SLC44A5: variants seen among roughly 807,000 people sequenced by gnomAD.
SLC44A5 encodes choline transporter-like protein 5.
SLC44A5 carries 57 observed loss-of-function variants against 101.8 expected under a neutral mutation model. The ratio of observed to expected loss-of-function variants is 0.56; its 90% CI spans 0.45 to 0.70. The LOEUF is 0.70. SLC44A5 is among the 30% of genes least tolerant of loss of function. The probability of loss-of-function intolerance (pLI) is 0.00; values close to 1 mark genes in which losing one functional copy is unlikely to be tolerated. For missense variants in SLC44A5, 737 were observed against 853.1 expected (o/e 0.86, Z 1.70); for synonymous variants, 281 against 290.9 (o/e 0.97, Z 0.35).
the SLC44A5 span, among the ~76,000 whole-genome samples, chr1:75,681,517 T>A: frequency 3.3e-5 from 5 of 151,594 alleles, no homozygotes; most frequent in Non-Finnish European, 7.4e-5. Context: ...CACATGATTA[T>A]CTCAATAGAT....
chr1:75,674,600 G>A, the SLC44A5 span, among the ~76,000 whole-genome samples: 3 of 108,276 alleles, frequency 2.8e-5, no homozygotes, highest in Non-Finnish European at 5.6e-5. Context: ...GACTGGTTTC[G>A]AACTCCTGAG....
chr1:75,419,602 T>A (rs1025325488), intron 2 of SLC44A5, among the ~76,000 whole-genome samples: 1 of 152,060 alleles, frequency 6.6e-6, no homozygotes, highest in South Asian at 2.1e-4. Context: ...TATATGGTAA[T>A]GTTAAAATAA....
At chr1:75,236,680 A>G (rs988790965) in intron 11 of SLC44A5, among the ~76,000 whole-genome samples, 9 of 152,194 alleles carry the variant, frequency 5.9e-5, no homozygotes, top group African/African-American at 1.9e-4. Context: ...TATTACAGAT[A>G]CAGAAGTCCT....
At position 75,540,610 on chromosome 1, in the gene SLC44A5, CT is replaced by C. The variant is rs549166269; in HGVS notation, c.13+824del. ...GATCTTATTTTTAATAACTCTTAAT[CT>C]TTTTTATATACTCAGCCAAAGATCA... On this transcript the variant is annotated intron_variant, in intron 2 of 23. Transcript: ENST00000370859. 2.0e-5 allele frequency among the ~76,000 whole-genome samples: 3 copies of C among 152,218 alleles called. No homozygotes were observed. In the South Asian group the frequency reaches 6.2e-4, roughly 32 times the overall value.
intron 2 of SLC44A5, among the ~76,000 whole-genome samples, chr1:75,540,579 C>A (rs959084971): frequency 2.0e-5 from 3 of 152,134 alleles, no homozygotes; most frequent in Non-Finnish European, 4.4e-5. Context: ...GTTAGACAGA[C>A]CTTTAGATCT....
At chr1:75,303,895 G>C (rs1654701509) in intron 4 of SLC44A5, among the ~76,000 whole-genome samples, 1 of 152,122 alleles carries the variant, frequency 6.6e-6, no homozygotes, top group Admixed American at 6.5e-5. Context: ...CATGGCGCAT[G>C]TATACATATG....
intron 22 of SLC44A5, 59 bp from the exon 23 acceptor site, chr1:75,211,611 A>C: frequency 8.1e-7 from 1 of 1,237,840 alleles, no homozygotes; most frequent in Non-Finnish European, 1.2e-6. Flanking sequence ...AAGAAGAATA[A>C]TGCAGCTATA....
chr1:75,241,725 C>T (rs7555803), intron 9 of SLC44A5, among the ~76,000 whole-genome samples: 25,634 of 151,946 alleles, frequency 0.17, 2,422 homozygotes, highest in Non-Finnish European at 0.22. Flanking sequence ...GCTTCCAAAG[C>T]ACCAAATGAT....
the SLC44A5 span, among the ~76,000 whole-genome samples, chr1:75,671,434 G>C: frequency 7.2e-6 from 1 of 139,764 alleles, no homozygotes; most frequent in Admixed American, 7.1e-5. Context: ...CCAGGAGTTA[G>C]AGAAGCAGAG....
rs146993346 is a variant in SLC44A5 at position 75,296,830 on chromosome 1, C to A, written c.175+3782G>T. 7.5e-3 allele frequency among the ~76,000 whole-genome samples: 1,144 copies of A among 152,276 alleles called. 17 individuals are homozygous for A. The highest frequency in any genetic ancestry group is 0.047 in the South Asian group (227 of 4,830). ...TTTGTTCTGCTTATCTATTGTTGCA[C>A]TCCCAAACTCACTGGCTTAATATAA... is the stretch of plus-strand genomic sequence containing the variant. On this transcript the variant is annotated intron_variant, in intron 5 of 23. Transcript: ENST00000370859.
chr1:75,443,437 A>G (rs560928888), intron 2 of SLC44A5, among the ~76,000 whole-genome samples: 3 of 152,040 alleles, frequency 2.0e-5, no homozygotes, highest in Admixed American at 1.3e-4. Flanking sequence ...CAAACATAGG[A>G]ATGTTTAAAG....
At chr1:75,585,487 G>C (rs558819223) in intron 1 of SLC44A5, among the ~76,000 whole-genome samples, 2 of 152,272 alleles carry the variant, frequency 1.3e-5, no homozygotes, top group South Asian at 4.2e-4. Context: ...CTCAATCACA[G>C]TACATATTAA....
At chr1:75,310,053 C>G (rs1342032869) in intron 4 of SLC44A5, among the ~76,000 whole-genome samples, 1 of 152,128 alleles carries the variant, frequency 6.6e-6, no homozygotes, top group Non-Finnish European at 1.5e-5. Flanking sequence ...TAAGATAAAA[C>G]TAAATATTCC....
At chr1:75,708,413 C>CAAAAAA in the SLC44A5 span, among the ~76,000 whole-genome samples, 31 of 39,068 alleles carry the variant, frequency 7.9e-4, 4 homozygotes, top group African/African-American at 3.4e-3. Context: ...GACTCCGTCT[C>CAAAAAA]AAAAAAAAAA....
the SLC44A5 span, among the ~76,000 whole-genome samples, chr1:75,652,197 G>C: frequency 3.2e-4 from 48 of 152,216 alleles, no homozygotes; most frequent in African/African-American, 1.1e-3. Context: ...CTTGTAGACA[G>C]CTCACCCCAA....
At chr1:75,685,312 T>C in the SLC44A5 span, among the ~76,000 whole-genome samples, 1 of 152,202 alleles carries the variant, frequency 6.6e-6, no homozygotes, top group African/African-American at 2.4e-5. Flanking sequence ...GTCTTGATGA[T>C]TAGCATTTGG....
chr1:75,497,692 T>C (rs1470380013), intron 2 of SLC44A5, among the ~76,000 whole-genome samples: 1 of 152,184 alleles, frequency 6.6e-6, no homozygotes, highest in Non-Finnish European at 1.5e-5. Flanking sequence ...GTTAATTCTA[T>C]ATTCAGTTTG....
At chr1:75,446,458 C>A (rs1187380640) in intron 2 of SLC44A5, among the ~76,000 whole-genome samples, 5 of 152,236 alleles carry the variant, frequency 3.3e-5, no homozygotes, top group African/African-American at 1.2e-4. Flanking sequence ...ATCACCTCTT[C>A]GAGCTTACAT....
chr1:75,443,474 A>G (rs1557788777), intron 2 of SLC44A5, among the ~76,000 whole-genome samples: 1 of 152,032 alleles, frequency 6.6e-6, no homozygotes, highest in Non-Finnish European at 1.5e-5. Flanking sequence ...CTTTATGCCA[A>G]TATTTATAAA....
Sources: gnomAD v4.1 joint callset for allele counts (sites outside exome capture counted in the v4.1 genomes callset) on GRCh38, gnomAD v4.1.1 for gene constraint, MANE v1.5 for transcripts, NCBI Gene and HGNC (gene_info 2026-07-23, HGNC 2026-07-21) for gene names.